The following RBL2 variants were observed in gnomAD, a reference collection of about 807,000 sequenced individuals.
The protein encoded by RBL2 is retinoblastoma-like protein 2.
A neutral mutation model predicts 126.0 loss-of-function variants in RBL2; 56 were observed. That is an observed-to-expected ratio of 0.44 (90% CI 0.36 to 0.56). RBL2 has a LOEUF of 0.56. RBL2 is among the 20% of genes least tolerant of loss of function. The probability of loss-of-function intolerance (pLI) is 0.00; values close to 1 mark genes in which losing one functional copy is unlikely to be tolerated. For synonymous variants in RBL2, 454 were observed against 478.5 expected (o/e 0.95, Z 0.67); for missense variants, 1,229 against 1,398.2 (o/e 0.88, Z 1.93).
chr16:53,449,598 A>AAAAAAAAAG (rs1306505497), intron 4 of RBL2: 4 of 151,222 alleles, frequency 2.6e-5, no homozygotes, highest in Non-Finnish European at 4.4e-5. Flanking sequence ...AAAAAAAAAA[A>AAAAAAAAAG]AAAAAAAAGA....
intron 2 of RBL2, 101 bp downstream of exon 2, chr16:53,439,247 G>A: frequency 8.8e-7 from 1 of 1,135,160 alleles, no homozygotes; most frequent in Non-Finnish European, 1.2e-6. Flanking sequence ...CTGAGCATTT[G>A]TACCTGTGGA....
At chr16:53,481,883 G>A in intron 21 of RBL2, 48 bp downstream of exon 21, 1 of 1,525,174 alleles carries the variant, frequency 6.6e-7, no homozygotes, top group Non-Finnish European at 9.1e-7. Context: ...AAATGCTTCA[G>A]ATGCTAGAAA....
chr16:53,464,225 G>A lies in RBL2; in HGVS notation c.1561-1G>A. On this transcript the variant is annotated splice_acceptor_variant, in intron 11 of 21. Coordinates refer to ENST00000262133, the MANE Select transcript of RBL2 (RefSeq NM_005611.4). LOFTEE classifies it high-confidence loss of function. Reference sequence around the variant, plus strand: ...CTAATGCTAATAACTTTATTTTATAGGGTATTCTGGAACAAGATGCGTTCC... The same window carrying A: ...CTAATGCTAATAACTTTATTTTATAAGGTATTCTGGAACAAGATGCGTTCC... 1 of 1,557,350 alleles carries A rather than the reference G, an allele frequency of 6.4e-7. No homozygotes were observed. Among genetic ancestry groups the A allele is most frequent in the Non-Finnish European group, 8.7e-7 (1 of 1,152,622 alleles).
At chr16:53,475,478 A>G (rs921897851) in intron 17 of RBL2, among the ~76,000 whole-genome samples, 3 of 152,180 alleles carry the variant, frequency 2.0e-5, no homozygotes, top group Non-Finnish European at 4.4e-5. Context: ...GGCCTCCCAA[A>G]GTGCTGGGAT....
chr16:53,454,982 A>G, intron 8 of RBL2, 140 bp downstream of exon 8: 1 of 628,232 alleles, frequency 1.6e-6, no homozygotes, highest in South Asian at 3.7e-5. Flanking sequence ...CTCTTAATTG[A>G]AAAAGGTATC....
At chr16:53,480,455 CTG>C in intron 19 of RBL2, 110 bp from the exon 20 acceptor site, 1 of 862,362 alleles carries the variant, frequency 1.2e-6, no homozygotes, top group Non-Finnish European at 1.8e-6. Flanking sequence ...TGCCTATTCA[CTG>C]TTATTAGCAA....
chr16:53,472,639 C>T (rs1047310137), intron 17 of RBL2, among the ~76,000 whole-genome samples: 1 of 151,842 alleles, frequency 6.6e-6, no homozygotes, highest in Non-Finnish European at 1.5e-5. Context: ...ATACAACTAC[C>T]TTCTCAGATG....
At chr16:53,437,343 T>C (rs1013155932) in intron 1 of RBL2, among the ~76,000 whole-genome samples, 19 of 152,080 alleles carry the variant, frequency 1.2e-4, no homozygotes, top group African/African-American at 4.6e-4. Flanking sequence ...ATCTATGCTA[T>C]TGATACATAT....
chr16:53,434,947 C>T, intron 1 of RBL2, 151 bp downstream of exon 1: 1 of 1,249,242 alleles, frequency 8.0e-7, no homozygotes, highest in Non-Finnish European at 1.0e-6. Flanking sequence ...TTCCGAGGCT[C>T]TTAGCCGCTC....
rs1472695735 is a variant in RBL2, at chr16:53,459,624, T to C, written c.1346+7T>C. 1 of 1,533,062 alleles carries C rather than the reference T, an allele frequency of 6.5e-7. No homozygotes were observed. Among genetic ancestry groups the C allele is most frequent in the Middle Eastern group, 1.8e-4 (1 of 5,686 alleles). 95.0% of individuals were successfully genotyped at this position (1,533,062 alleles called of 1,614,324 possible). A position where few individuals can be genotyped will look rare whatever the true frequency, so the allele number is the denominator to read the frequency against. On this transcript the variant is annotated splice_region_variant and intron_variant, in intron 9 of 21. Coordinates refer to ENST00000262133, the MANE Select transcript of RBL2 (RefSeq NM_005611.4). ...AACTGGAACAGATTCTCAGGTTAGT[T>C]TGAGCCCTGTCTGCTTTCTAAGATT...
intron 5 of RBL2, among the ~76,000 whole-genome samples, chr16:53,453,184 A>C (rs2058131938): frequency 6.6e-6 from 1 of 152,180 alleles, no homozygotes; most frequent in South Asian, 2.1e-4. Flanking sequence ...CTAAAATTTG[A>C]TATCCTAAAA....
intron 2 of RBL2, among the ~76,000 whole-genome samples, chr16:53,439,553 A>G (rs2057993975): frequency 1.3e-5 from 2 of 152,210 alleles, no homozygotes; most frequent in African/African-American, 4.8e-5. Flanking sequence ...TGGAACATGT[A>G]AGTATTTCTC....
At position 53,462,538 on chromosome 16, in the gene RBL2, T is replaced by TA; in HGVS notation, c.1457-13dup. ...GCCATTTTTGTGGGGTTTTTTTTTTTATTATTTCTACAGAAATTGCCAGCA... is the reference window on the plus strand; with the variant it reads ...GCCATTTTTGTGGGGTTTTTTTTTTTAATTATTTCTACAGAAATTGCCAGCA... On this transcript the variant is annotated splice_polypyrimidine_tract_variant and intron_variant, in intron 10 of 21. Coordinates refer to ENST00000262133, the MANE Select transcript of RBL2 (RefSeq NM_005611.4). The TA allele has an allele frequency of 6.9e-7, 1 of 1,443,900 alleles. No homozygotes were observed. Among genetic ancestry groups the TA allele is most frequent in the Non-Finnish European group, 9.4e-7 (1 of 1,065,766 alleles). The allele number at this position is 1,443,900 out of a possible 1,614,324, so 89.4% of individuals were successfully genotyped here. A position where few individuals can be genotyped will look rare whatever the true frequency, so the allele number is the denominator to read the frequency against.
intron 2 of RBL2, among the ~76,000 whole-genome samples, chr16:53,441,251 C>T (rs938513237): frequency 3.9e-5 from 6 of 152,070 alleles, no homozygotes; most frequent in Non-Finnish European, 5.9e-5. Context: ...TGAGCCACTG[C>T]GCTCAGGCAG....
intron 21 of RBL2, among the ~76,000 whole-genome samples, chr16:53,483,564 C>CAA: frequency 6.6e-6 from 1 of 151,464 alleles, no homozygotes; most frequent in East Asian, 2.0e-4. Flanking sequence ...TTGAGGAAAA[C>CAA]AAGTAAACAA....
chr16:53,462,522 G>C, intron 10 of RBL2, 30 bp from the exon 11 acceptor site: 1 of 1,325,894 alleles, frequency 7.5e-7, no homozygotes, highest in Non-Finnish European at 1.0e-6. Context: ...TGCCATTTTT[G>C]TGGGGTTTTT....
intron 21 of RBL2, among the ~76,000 whole-genome samples, chr16:53,485,433 T>C (rs1304599223): frequency 6.6e-6 from 1 of 152,226 alleles, no homozygotes; most frequent in African/African-American, 2.4e-5. Flanking sequence ...TACATACACC[T>C]ATGTTCCAAA....
chr16:53,445,172 G>C (rs1362429), intron 3 of RBL2, among the ~76,000 whole-genome samples: 81,636 of 151,596 alleles, frequency 0.54, 24,195 homozygotes, highest in African/African-American at 0.78. Flanking sequence ...ACAAAAAATA[G>C]AAAAATTAGC....
chr16:53,443,329 G>A (rs1269068622), intron 3 of RBL2: 1 of 152,352 alleles, frequency 6.6e-6, no homozygotes, highest in Non-Finnish European at 1.5e-5. Context: ...GCCGAAGGGA[G>A]CACTGCCCTA....
Sources: allele counts gnomAD v4.1 joint callset (sites outside exome capture counted in the v4.1 genomes callset), GRCh38; gene constraint gnomAD v4.1.1; transcripts MANE v1.5; gene names NCBI Gene and HGNC (gene_info 2026-07-23, HGNC 2026-07-21).